The following PCDHA1 variants were observed in gnomAD, a reference collection of about 807,000 sequenced individuals.
PCDHA1 encodes protocadherin alpha-1.
A neutral mutation model predicts 61.3 loss-of-function variants in PCDHA1; 42 were observed. That is an observed-to-expected ratio of 0.69 (90% CI 0.54 to 0.89). The LOEUF is 0.89. PCDHA1 is among the 40% of genes least tolerant of loss of function. The pLI is 0.00. For missense variants in PCDHA1, 1,256 were observed against 1,235.3 expected, an observed-to-expected ratio of 1.02 and a Z score of -0.25; for synonymous variants, 610 against 553.8, an observed-to-expected ratio of 1.10 and a Z score of -1.43.
chr5:140,846,849 G>T (rs1318319896), intron 1 of PCDHA1, among the ~76,000 whole-genome samples: 1 of 149,562 alleles, frequency 6.7e-6, no homozygotes, highest in Non-Finnish European at 1.5e-5. Flanking sequence ...ACAATGCAAG[G>T]CAAGATAATG....
At position 140,923,111 on chromosome 5, in the gene PCDHA1, G is replaced by T. The variant is rs192696214; in HGVS notation, c.2395-55838G>T. Among the ~76,000 whole-genome samples, 53 of 152,266 alleles carry T rather than the reference G, an allele frequency of 3.5e-4. No individual in the cohort carries two copies. In the East Asian group the frequency reaches 8.9e-3, roughly 25 times the overall value. ...TTGACCAATGGGAGTATGATTTTAA[G>T]TTTTTAGGGTCACACTTTGAAGGTG... On this transcript the variant is annotated intron_variant, in intron 1 of 3. Coordinates refer to ENST00000504120, the MANE Select transcript of PCDHA1 (RefSeq NM_018900.4).
Position 140,936,624 on chromosome 5 carries a change from C to T in PCDHA1, c.2395-42325C>T, listed in dbSNP as rs186958884. On this transcript the variant is annotated intron_variant, in intron 1 of 3. Coordinates refer to ENST00000504120, the MANE Select transcript of PCDHA1 (RefSeq NM_018900.4). Reference sequence around the variant, plus strand: ...TCCTCGCTGCTACTGTGCAGTGCTACCTTTGTCATAAGCAACGTGACTTTA... The same window carrying T: ...TCCTCGCTGCTACTGTGCAGTGCTATCTTTGTCATAAGCAACGTGACTTTA... 2.3e-3 allele frequency among the ~76,000 whole-genome samples: 345 copies of T among 152,302 alleles called. 2 individuals are homozygous for T. Among genetic ancestry groups the T allele is most frequent in the South Asian group, 2.5e-3 (12 of 4,824 alleles).
At chr5:140,967,956 A>G in intron 1 of PCDHA1, 2 of 1,614,172 alleles carry the variant, frequency 1.2e-6, no homozygotes, top group Middle Eastern at 3.3e-4. Context: ...TCAGGCCCCA[A>G]CCGGAAAGTG....
intron 1 of PCDHA1, chr5:140,871,465 C>T (rs782500075): frequency 5.0e-6 from 8 of 1,602,850 alleles, no homozygotes; most frequent in Non-Finnish European, 6.0e-6. Flanking sequence ...AGGGGAAAGA[C>T]AGGAGCCAGG....
intron 1 of PCDHA1, chr5:140,835,488 A>C (rs2150236741): frequency 2.5e-6 from 4 of 1,613,940 alleles, no homozygotes; most frequent in Non-Finnish European, 3.4e-6. Flanking sequence ...AGGTACCGTC[A>C]TCACATTGAT....
At chr5:140,807,899 A>C (rs1391356364) in intron 1 of PCDHA1, 3 of 1,614,010 alleles carry the variant, frequency 1.9e-6, no homozygotes, top group Non-Finnish European at 2.5e-6. Context: ...TGCCAATGAC[A>C]ATGCCCCAGC....
intron 1 of PCDHA1, among the ~76,000 whole-genome samples, chr5:140,939,737 G>GTA (rs1554212873): frequency 6.6e-6 from 1 of 152,160 alleles, no homozygotes; most frequent in Non-Finnish European, 1.5e-5. Flanking sequence ...GTGTAGCTGT[G>GTA]TATCATTCAT....
intron 1 of PCDHA1, among the ~76,000 whole-genome samples, chr5:140,886,827 GAAAAAAAAAA>G (rs782016620): frequency 1.6e-5 from 1 of 60,890 alleles, no homozygotes; most frequent in East Asian, 5.7e-4. Flanking sequence ...ACTTCGTCTT[GAAAAAAAAAA>G]AAAAAAAAAA....
intron 1 of PCDHA1, chr5:140,813,411 A>G (rs1765286537): frequency 6.6e-6 from 1 of 152,190 alleles, no homozygotes; most frequent in African/African-American, 2.4e-5. Flanking sequence ...AAACCTGTAC[A>G]TATGTTAACT....
intron 1 of PCDHA1, chr5:140,863,137 G>GT (rs1309983213): frequency 1.7e-6 from 1 of 604,700 alleles, no homozygotes; most frequent in Admixed American, 1.9e-5. Context: ...CCGCCTGCTG[G>GT]TGCTGGTGAA....
rs375455658 is a variant in PCDHA1, at chr5:140,863,185, G to T, written c.2394+74501G>T. 4.3e-3 allele frequency: 3,329 copies of T among 772,160 alleles called. 69 individuals are homozygous for T. Among genetic ancestry groups the T allele is most frequent in the South Asian group, 0.037 (2,838 of 76,536 alleles). 47.8% of individuals were successfully genotyped at this position (772,160 alleles called of 1,614,324 possible). A position where few individuals can be genotyped will look rare whatever the true frequency, so the allele number is the denominator to read the frequency against. ...GCTGGCGCTGACTGCCACCGTCACC[G>T]TGGTGGCGTCGCTGGCGGAGAGCAG... On this transcript the variant is annotated intron_variant, in intron 1 of 3. Transcript: ENST00000504120.
At position 140,845,853 on chromosome 5, in the gene PCDHA1, A is replaced by G. The variant is rs2150381879; in HGVS notation, c.2394+57169A>G. 1.3e-5 allele frequency among the ~76,000 whole-genome samples: 2 copies of G among 149,864 alleles called. 1 individual carries two copies. Among genetic ancestry groups the G allele is most frequent in the Non-Finnish European group, 3.0e-5 (2 of 66,956 alleles). ...TACCATTCTTAAGAGAAAAGAAGTT[A>G]GTGATTGCAGAAAGGCAACCTAAAA... On this transcript the variant is annotated intron_variant, in intron 1 of 3. Coordinates refer to ENST00000504120, the MANE Select transcript of PCDHA1 (RefSeq NM_018900.4).
intron 1 of PCDHA1, chr5:140,800,988 T>C: frequency 7.3e-7 from 1 of 1,373,860 alleles, no homozygotes; most frequent in Non-Finnish European, 9.4e-7. Flanking sequence ...ATTTAATACT[T>C]ACACGTTTAG....
At chr5:140,823,407 G>A (rs1554129331) in intron 1 of PCDHA1, 18 of 1,613,060 alleles carry the variant, frequency 1.1e-5, no homozygotes, top group Non-Finnish European at 1.4e-5. Flanking sequence ...TGCCGCCTCT[G>A]GGCAGCAACG....
At chr5:140,801,201 T>C in intron 1 of PCDHA1, 2 of 1,598,512 alleles carry the variant, frequency 1.3e-6, no homozygotes, top group Non-Finnish European at 1.7e-6. Context: ...ACTTGCAATG[T>C]TGTTCTCCTG....
chr5:140,867,486 A>G (rs2049987159), intron 1 of PCDHA1: 1 of 152,146 alleles, frequency 6.6e-6, no homozygotes, highest in South Asian at 2.1e-4. Context: ...AAGAGTAAAT[A>G]TGAAAAAAGT....
Position 140,830,146 on chromosome 5 carries a change from C to A in PCDHA1, c.2394+41462C>A, listed in dbSNP as rs2150181875. 36 of 1,613,246 alleles carry A rather than the reference C, an allele frequency of 2.2e-5. No individual in the cohort carries two copies. The South Asian group carries it at 3.1e-4, about 14-fold the overall frequency. On this transcript the variant is annotated intron_variant, in intron 1 of 3. Coordinates refer to ENST00000504120, the MANE Select transcript of PCDHA1 (RefSeq NM_018900.4). ...AGGCGTCATCACGGGCGTCGGTGGG[C>A]GCCGCGGGCCCAGAGGCGGCGCTGG...
At chr5:140,967,894 G>A (rs1586251835) in intron 1 of PCDHA1, 5 of 1,614,192 alleles carry the variant, frequency 3.1e-6, no homozygotes, top group Non-Finnish European at 3.4e-6. Context: ...CAGTGCCTGA[G>A]AATGCTACAC....
intron 1 of PCDHA1, among the ~76,000 whole-genome samples, chr5:140,889,648 A>G (rs1414947366): frequency 6.6e-6 from 1 of 152,094 alleles, no homozygotes; most frequent in African/African-American, 2.4e-5. Flanking sequence ...TGTTTGCAGG[A>G]GATGTCCTCT....
Sources: gnomAD v4.1 joint callset for allele counts (sites outside exome capture counted in the v4.1 genomes callset) on GRCh38, gnomAD v4.1.1 for gene constraint, MANE v1.5 for transcripts, NCBI Gene and HGNC (gene_info 2026-07-23, HGNC 2026-07-21) for gene names.